The following PTPRE variants were observed in gnomAD, a reference collection of about 807,000 sequenced individuals.
PTPRE encodes protein tyrosine phosphatase receptor type E.
In PTPRE, 51 loss-of-function variants were observed where a neutral mutation model predicts 102.0. The observed-to-expected ratio is 0.50, with a 90% CI of 0.40 to 0.63. The LOEUF is 0.63. Ranked by LOEUF, PTPRE falls within the 30% of genes least tolerant of loss-of-function variation. The pLI is 0.00. For missense variants in PTPRE, 752 were observed against 915.1 expected (o/e 0.82, Z 2.30); for synonymous variants, 345 against 348.2 (o/e 0.99, Z 0.10).
At chr10:127,921,819 G>C (rs1404091367) in intron 1 of PTPRE, among the ~76,000 whole-genome samples, 5 of 152,258 alleles carry the variant, frequency 3.3e-5, no homozygotes, top group Admixed American at 1.3e-4. Flanking sequence ...TCTTCTGTAG[G>C]GTCCCAGAAT....
At chr10:127,917,633 C>A (rs1278088993) in intron 1 of PTPRE, among the ~76,000 whole-genome samples, 1 of 152,094 alleles carries the variant, frequency 6.6e-6, no homozygotes, top group East Asian at 1.9e-4. Context: ...CCACTGTACT[C>A]CAGCCTTGGT....
chr10:127,999,817 G>C (rs1853682200), intron 2 of PTPRE: 1 of 985,312 alleles, frequency 1.0e-6, no homozygotes. Flanking sequence ...AAATTACAAA[G>C]GGAATACTCA....
intron 1 of PTPRE, among the ~76,000 whole-genome samples, chr10:127,939,691 C>A (rs12570621): frequency 0.32 from 48,771 of 152,174 alleles, 8,190 homozygotes; most frequent in East Asian, 0.42. Flanking sequence ...AAGTGGGCCC[C>A]AGCTGAGCCC....
In PTPRE at chr10:127,975,004, G is replaced by A. The variant is rs528338496; in HGVS notation, c.-30-7270G>A. 9.2e-5 allele frequency among the ~76,000 whole-genome samples: 14 copies of A among 152,306 alleles called. No homozygotes were observed. In the South Asian group the frequency reaches 2.5e-3, roughly 27 times the overall value. ...ACACATAAAGATGGAAGGGGCGGGCGGGGAACAGCTAGGCACCAGGAGGGA... is the reference window on the plus strand; with the variant it reads ...ACACATAAAGATGGAAGGGGCGGGCAGGGAACAGCTAGGCACCAGGAGGGA... On this transcript the variant is annotated intron_variant, in intron 1 of 20. Transcript: ENST00000254667.
Position 128,069,687 on chromosome 10 carries a change from C to T in PTPRE, c.1008-5C>T. On this transcript the variant is annotated splice_polypyrimidine_tract_variant and splice_region_variant and intron_variant, in intron 12 of 20. Transcript: ENST00000254667. ...ACGACGCAGCATCTTTCTCTTTCCC[C>T]AAAGCGCGGGCGTGGGCCGGACGGG... is the stretch of plus-strand genomic sequence containing the variant. The T allele has an allele frequency of 6.2e-7, 1 of 1,614,124 alleles. No homozygotes were observed. The highest frequency in any genetic ancestry group is 8.5e-7 in the Non-Finnish European group (1 of 1,180,004).
intron 1 of PTPRE, among the ~76,000 whole-genome samples, chr10:127,976,140 A>AT (rs1385940614): frequency 6.6e-6 from 1 of 152,062 alleles, no homozygotes; most frequent in African/African-American, 2.4e-5. Flanking sequence ...TAGGGCAAAG[A>AT]TTTTTTTAAA....
chr10:127,914,865 C>A (rs1846103241), intron 1 of PTPRE, among the ~76,000 whole-genome samples: 1 of 152,142 alleles, frequency 6.6e-6, no homozygotes, highest in African/African-American at 2.4e-5. Context: ...CAAGGATTGA[C>A]CCAGGACAAT....
intron 19 of PTPRE, among the ~76,000 whole-genome samples, chr10:128,078,819 C>T (rs970146172): frequency 6.6e-6 from 1 of 152,184 alleles, no homozygotes; most frequent in African/African-American, 2.4e-5. Flanking sequence ...GATGCGGGGC[C>T]GATCATTGCG....
chr10:128,010,256 A>C (rs1299974380), intron 2 of PTPRE, among the ~76,000 whole-genome samples: 1 of 152,192 alleles, frequency 6.6e-6, no homozygotes, highest in Non-Finnish European at 1.5e-5. Flanking sequence ...AATGTACATG[A>C]GCGCCCACAC....
intron 5 of PTPRE, among the ~76,000 whole-genome samples, chr10:128,048,119 A>G (rs1249634838): frequency 2.6e-5 from 4 of 152,176 alleles, no homozygotes; most frequent in Admixed American, 6.5e-5. Context: ...GGGTGTTGAC[A>G]TGTAACACTT....
chr10:128,012,498 G>A (rs1036633902), intron 2 of PTPRE, among the ~76,000 whole-genome samples: 1 of 152,150 alleles, frequency 6.6e-6, no homozygotes, highest in African/African-American at 2.4e-5. Context: ...TGGCAGCGAG[G>A]CACCCACCCA....
At chr10:128,069,546 G>A in intron 12 of PTPRE, 146 bp from the exon 13 acceptor site, 2 of 1,068,474 alleles carry the variant, frequency 1.9e-6, no homozygotes, top group South Asian at 1.5e-5. Flanking sequence ...GCTCCCTCTG[G>A]TGGCTGCACT....
intron 11 of PTPRE, among the ~76,000 whole-genome samples, chr10:128,066,479 G>A (rs555813933): frequency 3.9e-5 from 6 of 152,322 alleles, no homozygotes; most frequent in Admixed American, 2.0e-4. Flanking sequence ...GAGGGGCCTG[G>A]GGGTGAGGTC....
At chr10:127,919,821 A>G (rs1359404741) in intron 1 of PTPRE, among the ~76,000 whole-genome samples, 1 of 152,092 alleles carries the variant, frequency 6.6e-6, no homozygotes, top group South Asian at 2.1e-4. Flanking sequence ...TTTACAAATG[A>G]TTTATTATTG....
chr10:127,966,707 G>A (rs1850279527), intron 1 of PTPRE, among the ~76,000 whole-genome samples: 1 of 152,202 alleles, frequency 6.6e-6, no homozygotes, highest in Non-Finnish European at 1.5e-5. Flanking sequence ...ATGGCTCAGA[G>A]AGTTGAGGTA....
intron 2 of PTPRE, among the ~76,000 whole-genome samples, chr10:128,001,985 G>A (rs766257584): frequency 2.6e-5 from 4 of 152,148 alleles, no homozygotes; most frequent in Admixed American, 6.5e-5. Context: ...GTTGCCTCTC[G>A]CCTGATCTCT....
At chr10:128,004,440 A>C (rs1854305314) in intron 2 of PTPRE, among the ~76,000 whole-genome samples, 1 of 152,180 alleles carries the variant, frequency 6.6e-6, no homozygotes, top group Non-Finnish European at 1.5e-5. Context: ...CCATGCTGGC[A>C]ACCGCCAATC....
intron 11 of PTPRE, among the ~76,000 whole-genome samples, 167 bp downstream of exon 11, chr10:128,066,361 G>C (rs939477158): frequency 2.0e-5 from 3 of 152,252 alleles, no homozygotes; most frequent in South Asian, 2.1e-4. Flanking sequence ...AGACATGCAA[G>C]AGGGCCAAGA....
intron 10 of PTPRE, among the ~76,000 whole-genome samples, chr10:128,064,954 C>A (rs1199105278): frequency 6.6e-6 from 1 of 152,192 alleles, no homozygotes; most frequent in East Asian, 1.9e-4. Flanking sequence ...CCTTGAGAGG[C>A]TGACACATGT....
Sources: allele counts gnomAD v4.1 joint callset (sites outside exome capture counted in the v4.1 genomes callset), GRCh38; gene constraint gnomAD v4.1.1; transcripts MANE v1.5; gene names NCBI Gene and HGNC (gene_info 2026-07-23, HGNC 2026-07-21).